SRD5A2: variants seen among roughly 807,000 people sequenced by gnomAD.
SRD5A2 encodes steroid 5 alpha-reductase 2.
In SRD5A2, 30 loss-of-function variants were observed where a neutral mutation model predicts 27.4. The observed-to-expected ratio is 1.10, with a 90% CI of 0.82 to 1.49. The LOEUF (loss-of-function observed/expected upper bound fraction) is 1.49. SRD5A2 is among the 40% of genes most tolerant of loss of function. SRD5A2 has a pLI of 0.00. For missense variants in SRD5A2, 348 were observed against 323.4 expected, an observed-to-expected ratio of 1.08 and a Z score of -0.58; for synonymous variants, 141 against 133.6, an observed-to-expected ratio of 1.06 and a Z score of -0.38.
intron 4 of SRD5A2, chr2:31,527,119 C>T (rs571313996): frequency 6.6e-6 from 1 of 152,332 alleles, no homozygotes; most frequent in South Asian, 2.1e-4. Flanking sequence ...AAATTCTAGC[C>T]TCCAGAACTA....
In SRD5A2 at chr2:31,580,848, A is replaced by G; in HGVS notation, c.53T>C (p.Val18Ala). 6.2e-7 allele frequency: 1 copy of G among 1,611,752 alleles called. No individual in the cohort carries two copies. Among genetic ancestry groups the G allele is most frequent in the Non-Finnish European group, 8.5e-7 (1 of 1,179,312 alleles). ...SPVLAGSATL[V>A]ALGALALYVA... Reference sequence around the variant, plus strand: ...GTACAAGGCCAGTGCCCCAAGGGCGACCAAAGTGGCGCTGCCTGCCAGCAC... The same window carrying G: ...GTACAAGGCCAGTGCCCCAAGGGCGGCCAAAGTGGCGCTGCCTGCCAGCAC... Residue 18 changes from valine (V) to alanine (A), a missense_variant, in exon 1 of 5, where the codon GTC (valine) becomes GCC (alanine). Val to Ala is a moderately conservative substitution (Grantham distance 64, BLOSUM62 0). Transcript: ENST00000622030.
chr2:31,641,183 T>A, the SRD5A2 span, among the ~76,000 whole-genome samples: 2 of 152,096 alleles, frequency 1.3e-5, no homozygotes, highest in African/African-American at 4.8e-5. Context: ...TTATCTCACA[T>A]CACCATTTTG....
chr2:31,647,897 T>A, the SRD5A2 span, among the ~76,000 whole-genome samples: 2 of 152,246 alleles, frequency 1.3e-5, no homozygotes, highest in Non-Finnish European at 2.9e-5. Context: ...TGTGTCTAAT[T>A]TTTTTATGAG....
the SRD5A2 span, among the ~76,000 whole-genome samples, chr2:31,624,594 G>C: frequency 6.6e-6 from 1 of 152,024 alleles, no homozygotes; most frequent in Admixed American, 6.6e-5. Flanking sequence ...ACCTATGAGT[G>C]AGAACATGCG....
chr2:31,611,928 T>C, the SRD5A2 span, among the ~76,000 whole-genome samples: 3 of 152,076 alleles, frequency 2.0e-5, no homozygotes, highest in African/African-American at 7.2e-5. Context: ...TATAGGAGAA[T>C]AGAAAAACAA....
chr2:31,645,150 G>A, the SRD5A2 span, among the ~76,000 whole-genome samples: 35 of 152,162 alleles, frequency 2.3e-4, no homozygotes, highest in Admixed American at 8.5e-4. Context: ...CGTGTTTCAA[G>A]CTTTGAAGAC....
chr2:31,648,771 G>A, the SRD5A2 span, among the ~76,000 whole-genome samples: 3 of 152,046 alleles, frequency 2.0e-5, no homozygotes, highest in South Asian at 2.1e-4. Context: ...TTCTTTCCTC[G>A]AGGCATATAA....
chr2:31,575,802 A>T, intron 1 of SRD5A2, among the ~76,000 whole-genome samples: 1 of 152,200 alleles, frequency 6.6e-6, no homozygotes, highest in East Asian at 1.9e-4. Flanking sequence ...GGAAAAAAAA[A>T]TGTTTCTTTG....
the SRD5A2 span, among the ~76,000 whole-genome samples, chr2:31,641,786 C>A: frequency 6.6e-5 from 10 of 151,846 alleles, no homozygotes; most frequent in Admixed American, 5.2e-4. Context: ...GGGAAAAAAA[C>A]AACACTCTTT....
At chr2:31,549,081 AATTATT>A (rs71405576) in intron 1 of SRD5A2, among the ~76,000 whole-genome samples, 14,186 of 131,262 alleles carry the variant, frequency 0.11, 854 homozygotes, top group Non-Finnish European at 0.13. Context: ...AAGTAGAGGG[AATTATT>A]ATTATTATTA....
At chr2:31,589,721 T>C in the SRD5A2 span, among the ~76,000 whole-genome samples, 1 of 151,814 alleles carries the variant, frequency 6.6e-6, no homozygotes, top group Non-Finnish European at 1.5e-5. Context: ...TTTGGCTGAG[T>C]ACGAATTTTC....
upstream of SRD5A2, among the ~76,000 whole-genome samples, chr2:31,583,636 AAAGCAAAAAAAAAACCAAAAAAAAAG>A (rs1558379431): frequency 9.1e-5 from 2 of 21,912 alleles, no homozygotes; most frequent in Non-Finnish European, 2.3e-4. Context: ...AAACAAAAAA[AAAGCAAAAAAAAAACCAAAAAAAAAG>A]CAAAAAAAAA....
chr2:31,616,673 C>A, the SRD5A2 span, among the ~76,000 whole-genome samples: 10 of 152,166 alleles, frequency 6.6e-5, no homozygotes, highest in Non-Finnish European at 1.5e-4. Context: ...TAACTAATTT[C>A]CTTTTGATTT....
chr2:31,548,585 A>G (rs1483302665), intron 1 of SRD5A2, among the ~76,000 whole-genome samples: 1 of 152,154 alleles, frequency 6.6e-6, no homozygotes, highest in Non-Finnish European at 1.5e-5. Flanking sequence ...ACAAAAAATA[A>G]CAAGTCTTGG....
At chr2:31,620,603 C>G in the SRD5A2 span, among the ~76,000 whole-genome samples, 7 of 151,858 alleles carry the variant, frequency 4.6e-5, no homozygotes, top group African/African-American at 1.7e-4. Context: ...CACAATATCT[C>G]CAAGGTGCCT....
the SRD5A2 span, among the ~76,000 whole-genome samples, chr2:31,636,669 G>A: frequency 6.6e-6 from 1 of 152,040 alleles, no homozygotes; most frequent in Non-Finnish European, 1.5e-5. Context: ...GTTGATGAGG[G>A]TTTTTATCAT....
chr2:31,529,530 C>T, intron 3 of SRD5A2, 73 bp from the exon 4 acceptor site: 1 of 1,551,992 alleles, frequency 6.4e-7, no homozygotes. Context: ...CTGTGTTGTT[C>T]CAAAATACAC....
intron 4 of SRD5A2, among the ~76,000 whole-genome samples, chr2:31,527,269 G>T (rs1324619895): frequency 3.9e-5 from 6 of 152,116 alleles, no homozygotes; most frequent in African/African-American, 1.4e-4. Context: ...GATGCTGGCG[G>T]TCCTCAAGGC....
At chr2:31,593,578 T>G in the SRD5A2 span, among the ~76,000 whole-genome samples, 1 of 152,208 alleles carries the variant, frequency 6.6e-6, no homozygotes, top group South Asian at 2.1e-4. Flanking sequence ...TTGGTGTTCT[T>G]TGTTCTTGAG....
Sources: gnomAD v4.1 joint callset for allele counts (sites outside exome capture counted in the v4.1 genomes callset) on GRCh38, gnomAD v4.1.1 for gene constraint, MANE v1.5 for transcripts, NCBI Gene and HGNC (gene_info 2026-07-23, HGNC 2026-07-21) for gene names.